Variants in ZMAT4 observed in about 807,000 individuals in gnomAD.
ZMAT4 encodes the protein zinc finger matrin-type protein 4.
In ZMAT4, 17 loss-of-function variants were observed where a neutral mutation model predicts 28.7. That is an observed-to-expected ratio of 0.59 (90% confidence interval 0.41 to 0.89). ZMAT4 has a LOEUF of 0.89. Ranked by LOEUF, ZMAT4 falls within the 40% of genes least tolerant of loss-of-function variation. The pLI, the probability that ZMAT4 is intolerant of heterozygous loss-of-function variation, is 0.00. For missense variants in ZMAT4, 240 were observed against 283.8 expected (o/e 0.85, Z 1.11); for synonymous variants, 117 against 109.2 (o/e 1.07, Z -0.44).
chr8:40,785,449 C>T (rs956970290), intron 2 of ZMAT4, among the ~76,000 whole-genome samples: 17 of 152,158 alleles, frequency 1.1e-4, no homozygotes, highest in Admixed American at 6.5e-4. Flanking sequence ...GTCCAAAAAA[C>T]GCTCCTTGGT....
chr8:40,559,776 A>G (rs913038058), intron 6 of ZMAT4, among the ~76,000 whole-genome samples: 12 of 152,142 alleles, frequency 7.9e-5, no homozygotes, highest in African/African-American at 2.9e-4. Flanking sequence ...CACACATGCG[A>G]ATACACATAA....
intron 1 of ZMAT4, among the ~76,000 whole-genome samples, chr8:40,836,156 C>A (rs542939474): frequency 6.6e-6 from 1 of 152,070 alleles, no homozygotes; most frequent in African/African-American, 2.4e-5. Flanking sequence ...AGTAAGAAAT[C>A]GGGAAAATAA....
intron 2 of ZMAT4, among the ~76,000 whole-genome samples, chr8:40,812,991 AT>A (rs1815388302): frequency 6.6e-6 from 1 of 150,400 alleles, no homozygotes; most frequent in South Asian, 2.1e-4. Context: ...AAATTAAAAA[AT>A]AAAAATATAT....
intron 1 of ZMAT4, among the ~76,000 whole-genome samples, chr8:40,869,397 G>C: frequency 6.6e-6 from 1 of 152,178 alleles, no homozygotes; most frequent in East Asian, 1.9e-4. Flanking sequence ...TTGCCCACAA[G>C]AAAGGAACAT....
At position 40,685,984 on chromosome 8, in the gene ZMAT4, C is replaced by T. The variant is rs79183405; in HGVS notation, c.350-11053G>A. On this transcript the variant is annotated intron_variant, in intron 4 of 6. Coordinates refer to ENST00000297737, the MANE Select transcript of ZMAT4 (RefSeq NM_024645.3). Reference sequence around the variant, plus strand: ...CCAATGGGCAGACAGGACTGGGAACCCTCAGACTGGAGCAACAGCGTAGGG... The same window carrying T: ...CCAATGGGCAGACAGGACTGGGAACTCTCAGACTGGAGCAACAGCGTAGGG... Among the ~76,000 whole-genome samples the T allele has an allele frequency of 2.3e-3, 353 of 152,152 alleles. 2 individuals carry two copies. Among genetic ancestry groups the T allele is most frequent in the African/African-American group, 8.1e-3 (336 of 41,502 alleles).
intron 5 of ZMAT4, among the ~76,000 whole-genome samples, chr8:40,601,409 G>GAAGGAAGA: frequency 1.6e-5 from 1 of 60,822 alleles, no homozygotes; most frequent in South Asian, 6.4e-4. Flanking sequence ...GGAAAGAAAG[G>GAAGGAAGA]AAGGAAGGAA....
chr8:40,629,105 T>C (rs1426820410), intron 5 of ZMAT4, among the ~76,000 whole-genome samples: 1 of 151,774 alleles, frequency 6.6e-6, no homozygotes, highest in Non-Finnish European at 1.5e-5. Context: ...TATACTTCCA[T>C]GATTCGACCT....
intron 3 of ZMAT4, among the ~76,000 whole-genome samples, chr8:40,714,944 G>C (rs7012486): frequency 0.6 from 90,313 of 150,498 alleles, 27,689 homozygotes; most frequent in African/African-American, 0.72. Flanking sequence ...AGCTACTTGG[G>C]AGGCTGAGGG....
chr8:40,557,621 T>C (rs1191255475), intron 6 of ZMAT4, among the ~76,000 whole-genome samples: 1 of 152,202 alleles, frequency 6.6e-6, no homozygotes, highest in African/African-American at 2.4e-5. Context: ...GCCCCTCTTT[T>C]ATATTCCCAT....
chr8:40,734,540 C>G lies in ZMAT4; in HGVS notation c.192+33101G>C, dbSNP rs563661046. On this transcript the variant is annotated intron_variant, in intron 3 of 6. Coordinates refer to ENST00000297737, the MANE Select transcript of ZMAT4 (RefSeq NM_024645.3). ...CTGGAGATGGAAAAGTACAACCGAGCGGAGAGAGAGAGAGTAGAAGTAGCC... is the reference window on the plus strand; with the variant it reads ...CTGGAGATGGAAAAGTACAACCGAGGGGAGAGAGAGAGAGTAGAAGTAGCC... Among the ~76,000 whole-genome samples the G allele has an allele frequency of 1.4e-4, 22 of 152,192 alleles. No homozygotes were observed. The South Asian group carries it at 1.7e-3, about 11-fold the overall frequency.
At chr8:40,569,696 C>A (rs1325424944) in intron 6 of ZMAT4, among the ~76,000 whole-genome samples, 1 of 152,152 alleles carries the variant, frequency 6.6e-6, no homozygotes, top group Non-Finnish European at 1.5e-5. Context: ...ATCCCTTCTG[C>A]CCCAAGTCAT....
At chr8:40,597,448 T>C (rs1484424608) in intron 5 of ZMAT4, among the ~76,000 whole-genome samples, 2 of 152,216 alleles carry the variant, frequency 1.3e-5, no homozygotes, top group African/African-American at 4.8e-5. Context: ...TGTCTGATCC[T>C]GGATCTGTGT....
intron 4 of ZMAT4, among the ~76,000 whole-genome samples, chr8:40,684,879 C>T (rs538801084): frequency 1.3e-5 from 2 of 152,210 alleles, no homozygotes; most frequent in Admixed American, 1.3e-4. Flanking sequence ...TATAACCGCT[C>T]TTCAGCTACC....
intron 5 of ZMAT4, among the ~76,000 whole-genome samples, chr8:40,596,975 C>A (rs191596560): frequency 7.1e-4 from 108 of 152,278 alleles, no homozygotes; most frequent in East Asian, 7.7e-4. Flanking sequence ...CCAGGCAACT[C>A]ACTTATGGCT....
chr8:40,546,033 C>T (rs900832801), intron 6 of ZMAT4, among the ~76,000 whole-genome samples: 1 of 151,446 alleles, frequency 6.6e-6, no homozygotes, highest in Non-Finnish European at 1.5e-5. Context: ...AAGGAAGTTA[C>T]GGAGCCAGTG....
At chr8:40,667,360 T>C (rs1808462853) in intron 5 of ZMAT4, among the ~76,000 whole-genome samples, 1 of 152,086 alleles carries the variant, frequency 6.6e-6, no homozygotes, top group Admixed American at 6.5e-5. Flanking sequence ...TTCACAGTGT[T>C]AATCAGGATG....
At chr8:40,825,789 A>G in intron 1 of ZMAT4, 109 bp from the exon 2 acceptor site, 1 of 783,622 alleles carries the variant, frequency 1.3e-6, no homozygotes, top group Admixed American at 2.3e-5. Flanking sequence ...GACAATGGTG[A>G]CAGAGGGGTG....
chr8:40,881,569 AG>A (rs1247008379), intron 1 of ZMAT4, among the ~76,000 whole-genome samples: 2 of 105,368 alleles, frequency 1.9e-5, no homozygotes, highest in Admixed American at 9.8e-5. Flanking sequence ...AAAGAAAGAA[AG>A]AAAGAAAGAA....
At chr8:40,693,776 C>T (rs182891633) in intron 4 of ZMAT4, among the ~76,000 whole-genome samples, 2 of 152,202 alleles carry the variant, frequency 1.3e-5, no homozygotes, top group African/African-American at 4.8e-5. Context: ...AGTAAACATG[C>T]ACCCATCTGG....
Sources: gnomAD v4.1 joint callset for allele counts (sites outside exome capture counted in the v4.1 genomes callset) on GRCh38, gnomAD v4.1.1 for gene constraint, MANE v1.5 for transcripts, NCBI Gene and HGNC (gene_info 2026-07-23, HGNC 2026-07-21) for gene names.